The following TONSL variants were observed in gnomAD, a reference collection of about 807,000 sequenced individuals.
The protein encoded by TONSL is tonsoku-like protein.
A neutral mutation model predicts 147.1 loss-of-function variants in TONSL; 112 were observed. That is an observed-to-expected ratio of 0.76 (90% CI 0.65 to 0.89). The LOEUF is 0.89. Ranked by LOEUF, TONSL falls within the 40% of genes least tolerant of loss-of-function variation. The pLI is 0.00. For synonymous variants in TONSL, 868 were observed against 801.5 expected, an observed-to-expected ratio of 1.08 and a Z score of -1.40; for missense variants, 1,883 against 1,864.6, an observed-to-expected ratio of 1.01 and a Z score of -0.18.
At chr8:144,430,379 G>A (rs1331414906) in intron 25 of TONSL, 25 bp downstream of exon 25, 4 of 1,566,866 alleles carry the variant, frequency 2.6e-6, no homozygotes, top group Admixed American at 3.8e-5. Flanking sequence ...AACATGGCAG[G>A]CGTGGCCACC....
chr8:144,436,551 T>TG lies in TONSL; in HGVS notation c.2014+6dup, dbSNP rs1564730578. 1 of 1,609,032 alleles carries TG rather than the reference T, an allele frequency of 6.2e-7. No individual in the cohort carries two copies. Among genetic ancestry groups the TG allele is most frequent in the South Asian group, 1.1e-5 (1 of 91,040 alleles). ...GCAACCCCAGGGACAAGGGACGCCC[T>TG]GCTTGCCTTGGCCCGAGGCAGCCGC... On this transcript the variant is annotated splice_region_variant and intron_variant, in intron 16 of 25. Coordinates refer to ENST00000409379, the MANE Select transcript of TONSL (RefSeq NM_013432.5).
chr8:144,439,153 G>A (rs1476853570), intron 11 of TONSL, among the ~76,000 whole-genome samples: 1 of 152,048 alleles, frequency 6.6e-6, no homozygotes, highest in African/African-American at 2.4e-5. Context: ...GGCCAGGTCA[G>A]CCCTGGAGCC....
rs149407728 is a variant in TONSL, at chr8:144,435,182, G to A, written c.2853-12C>T. 3.5e-3 allele frequency: 5,234 copies of A among 1,511,660 alleles called. 29 individuals are homozygous for A. The highest frequency in any genetic ancestry group is 7.6e-3 in the South Asian group (602 of 79,206). 93.6% of individuals were successfully genotyped at this position (1,511,660 alleles called of 1,614,324 possible). On this transcript the variant is annotated splice_polypyrimidine_tract_variant and intron_variant, in intron 18 of 25. Coordinates refer to ENST00000409379, the MANE Select transcript of TONSL (RefSeq NM_013432.5). The stretch of plus-strand genomic sequence containing the variant: ...AGTGGGTGTCACTGCTGCAGGGACA[G>A]AGGCGCTGCTGCTGCTGCCTGCACA...
intron 5 of TONSL, 105 bp from the exon 6 acceptor site, chr8:144,442,517 T>G: frequency 6.7e-7 from 1 of 1,481,696 alleles, no homozygotes; most frequent in Non-Finnish European, 9.0e-7. Context: ...GCCCTAACCA[T>G]GCCTGGCCTT....
chr8:144,440,914 G>A (rs891193514), intron 8 of TONSL, 44 bp from the exon 9 acceptor site: 1 of 1,612,602 alleles, frequency 6.2e-7, no homozygotes, highest in Non-Finnish European at 8.5e-7. Flanking sequence ...ACCCTGGCCA[G>A]GCCTCGTCAA....
Position 144,442,791 on chromosome 8 carries a change from C to A in TONSL, c.464G>T (p.Gly155Val). 6.2e-7 allele frequency: 1 copy of A among 1,612,162 alleles called. No individual in the cohort carries two copies. The highest frequency in any genetic ancestry group is 8.5e-7 in the Non-Finnish European group (1 of 1,179,594). Residue 155 changes from glycine (G) to valine (V), a missense_variant, in exon 5 of 26, where the codon GGA becomes GTA. Transcript: ENST00000409379. ...GCGGGTCCTCATCTCATTCAGCTCT[C>A]CCTGGGCCAGTGTCCCTGGAAGATA... Reference protein sequence around the residue: ...DEELEGTLAQGELNEMRTRLY... With the variant: ...DEELEGTLAQVELNEMRTRLY...
intron 1 of TONSL, 46 bp from the exon 2 acceptor site, chr8:144,444,321 G>T (rs1823829197): frequency 2.2e-6 from 3 of 1,334,922 alleles, no homozygotes; most frequent in African/African-American, 1.5e-5. Context: ...GGGGTCCGGG[G>T]CCGGGGCCGA....
At chr8:144,441,956 A>C (rs1027252230) in intron 7 of TONSL, 81 bp downstream of exon 7, 35 of 1,246,882 alleles carry the variant, frequency 2.8e-5, no homozygotes, top group Middle Eastern at 2.7e-4. Context: ...AGCCCTGTAC[A>C]CACCTGGCGG....
intron 24 of TONSL, 139 bp from the exon 25 acceptor site, chr8:144,430,676 G>A: frequency 9.2e-7 from 1 of 1,081,246 alleles, no homozygotes; most frequent in Non-Finnish European, 1.3e-6. Flanking sequence ...TGGCCCAGTA[G>A]CAGGTGGCCC....
rs1213545132 is a variant in TONSL, at chr8:144,442,681, C to A, written c.574G>T (p.Ala192Ser). 6.2e-7 allele frequency: 1 copy of A among 1,612,530 alleles called. No homozygotes were observed. The highest frequency in any genetic ancestry group is 1.1e-5 in the South Asian group (1 of 91,048). The change falls in exon 5 of 26, where the codon GCG (alanine) becomes TCG (serine). Residue 192 changes from alanine (A) to serine (S), a missense_variant. Physicochemically the swap from Ala to Ser is moderately conservative, Grantham distance 99 (BLOSUM62 1). Coordinates refer to ENST00000409379, the MANE Select transcript of TONSL (RefSeq NM_013432.5). ...NDYFRKSIFL[A>S]EQNHLYEDLF... Reference sequence around the variant, plus strand: ...TGGGGCGGGGCAGGGCCTTACTCCGCAAGGAAGATGCTCTTCCTGAAGTAA... The same window carrying A: ...TGGGGCGGGGCAGGGCCTTACTCCGAAAGGAAGATGCTCTTCCTGAAGTAA...
At position 144,435,858 on chromosome 8, in the gene TONSL, G is replaced by A. The variant is rs1823428250; in HGVS notation, c.2575C>T (p.Pro859Ser). The A allele has an allele frequency of 6.2e-7, 1 of 1,606,782 alleles. No homozygotes were observed. Among genetic ancestry groups the A allele is most frequent in the Non-Finnish European group, 8.5e-7 (1 of 1,175,444 alleles). The stretch of plus-strand genomic sequence containing the variant: ...CTGTCCGACCCAGAGGTACTACTGG[G>A]CCTGCGGTTGTCTCCAGTGCCCCGG... ...RPRGTGDNRR[P>S]SSTSGSDSEE... The change falls in exon 17 of 26, where the codon CCC (proline) becomes TCC (serine). Residue 859 changes from proline to serine, a missense_variant. By Grantham distance (74) the Pro-to-Ser change is moderately conservative. Coordinates refer to ENST00000409379, the MANE Select transcript of TONSL (RefSeq NM_013432.5).
Position 144,437,054 on chromosome 8 carries a change from GCAGAGGTGTC to G in TONSL, c.1689_1698del (p.Trp563CysfsTer10). 1.2e-6 allele frequency: 2 copies of G among 1,613,266 alleles called. No homozygotes were observed. The highest frequency in any genetic ancestry group is 1.7e-6 in the Non-Finnish European group (2 of 1,180,000). Reference sequence around the variant, plus strand: ...AGATGCCCGTAGTTGCAGGCCTCGTGCAGAGGTGTCCAGCCACAGTAGTCCCGAGGGTTAA... The same window carrying G: ...AGATGCCCGTAGTTGCAGGCCTCGTGCAGCCACAGTAGTCCCGAGGGTTAA... On this transcript the variant is annotated frameshift_variant, in exon 14 of 26. Coordinates refer to ENST00000409379, the MANE Select transcript of TONSL (RefSeq NM_013432.5). LOFTEE classifies it high-confidence loss of function.
In TONSL at chr8:144,442,086, G is replaced by T. The variant is rs1823741076; in HGVS notation, c.816C>A (p.Gly272=). The change falls in exon 7 of 26, where the codon GGC becomes GGA. Residue 272 remains glycine, a synonymous_variant. Coordinates refer to ENST00000409379, the MANE Select transcript of TONSL (RefSeq NM_013432.5). ...KRALKKAYRL[G]SQKPVQRAAI... ...CTGCCCTCTGCACAGGCTTCTGGGAGCCCAGCCTGTAGGCCTTCTTCAGGG... is the reference window on the plus strand; with the variant it reads ...CTGCCCTCTGCACAGGCTTCTGGGATCCCAGCCTGTAGGCCTTCTTCAGGG... 1.2e-6 allele frequency: 2 copies of T among 1,612,670 alleles called. No individual in the cohort carries two copies.
At position 144,429,364 on chromosome 8, in the gene TONSL, G is replaced by C. The variant is rs1254476462; in HGVS notation, c.3944-28C>G. ...GCGGAGGGGAAGAGGGCAGACCTCA[G>C]CGCTGCGGGGGCCGGCGGCGTCCTG... is the stretch of plus-strand genomic sequence containing the variant. On this transcript the variant is annotated intron_variant, in intron 25 of 25. Transcript: ENST00000409379. 2.9e-6 allele frequency: 4 copies of C among 1,377,154 alleles called. No individual in the cohort carries two copies. The African/African-American group carries it at 6.1e-5, about 21-fold the overall frequency. 85.3% of individuals were successfully genotyped at this position (1,377,154 alleles called of 1,614,324 possible). A position where few individuals can be genotyped will look rare whatever the true frequency, so the allele number is the denominator to read the frequency against.
chr8:144,434,924 C>T (rs1823373419), intron 19 of TONSL, 35 bp from the exon 20 acceptor site: 7 of 1,612,332 alleles, frequency 4.3e-6, no homozygotes, highest in South Asian at 1.1e-5. Flanking sequence ...CTGGGGGCTC[C>T]CCCGGCTCAC....
rs577991836 is a variant in TONSL, at chr8:144,432,595, A to C, written c.3560-135T>G. The stretch of plus-strand genomic sequence containing the variant: ...GCTCGCAGGGTGGGGTGGCAAGTGC[A>C]GAGGCAAAGGCTCTCGCCCAGATTC... On this transcript the variant is annotated intron_variant, in intron 22 of 25. Coordinates refer to ENST00000409379, the MANE Select transcript of TONSL (RefSeq NM_013432.5). 4.6e-6 allele frequency: 4 copies of C among 872,754 alleles called. No individual in the cohort carries two copies. In the Admixed American group the frequency reaches 1.1e-4, roughly 23 times the overall value. The allele number at this position is 872,754 out of a possible 1,614,324, so 54.1% of individuals were successfully genotyped here.
In TONSL at chr8:144,442,928, A is replaced by G. The variant is rs536529901; in HGVS notation, c.449-122T>C. 2.6e-4 allele frequency: 352 copies of G among 1,372,938 alleles called. 2 individuals are homozygous for G. The African/African-American group carries it at 4.7e-3, about 18-fold the overall frequency. The allele number at this position is 1,372,938 out of a possible 1,614,324, so 85.0% of individuals were successfully genotyped here. ...CCCTCCCTCCTCCCGAGGTGGGTGC[A>G]AGTGTCCTGCGGCAGATGGAGCACA... On this transcript the variant is annotated intron_variant, in intron 4 of 25. Transcript: ENST00000409379.
intron 25 of TONSL, among the ~76,000 whole-genome samples, chr8:144,429,614 A>G (rs1554878205): frequency 6.6e-6 from 1 of 152,060 alleles, no homozygotes; most frequent in African/African-American, 2.4e-5. Context: ...CCCCACCCAT[A>G]AGAAGGACAT....
chr8:144,434,927 C>CG (rs1823373733), intron 19 of TONSL, 38 bp from the exon 20 acceptor site: 1 of 1,612,290 alleles, frequency 6.2e-7, no homozygotes, highest in Admixed American at 1.7e-5. Context: ...GGGGCTCCCC[C>CG]GGCTCACCTC....
Sources: gnomAD v4.1 joint callset for allele counts (sites outside exome capture counted in the v4.1 genomes callset) on GRCh38, gnomAD v4.1.1 for gene constraint, MANE v1.5 for transcripts, NCBI Gene and HGNC (gene_info 2026-07-23, HGNC 2026-07-21) for gene names.